The following EPHA4 variants were observed in gnomAD, a reference collection of about 807,000 sequenced individuals.
EPHA4 encodes EPH receptor A4.
A neutral mutation model predicts 108.3 loss-of-function variants in EPHA4; 19 were observed. The ratio of observed to expected loss-of-function variants is 0.18; its 90% confidence interval spans 0.12 to 0.26. The LOEUF (loss-of-function observed/expected upper bound fraction) is 0.26, where lower values mean the gene tolerates loss of function less well. Among genes scored for constraint, EPHA4 ranks in the 10% least tolerant of loss-of-function variants. The probability of loss-of-function intolerance (pLI) is 1.00; values close to 1 mark genes in which losing one functional copy is unlikely to be tolerated. For synonymous variants in EPHA4, 449 were observed against 455.5 expected, an observed-to-expected ratio of 0.99 and a Z score of 0.18; for missense variants, 917 against 1,254.0, an observed-to-expected ratio of 0.73 and a Z score of 4.06.
intron 2 of EPHA4, among the ~76,000 whole-genome samples, chr2:221,565,499 G>GT (rs1229631094): frequency 6.6e-6 from 1 of 152,088 alleles, no homozygotes. Flanking sequence ...ACAAGAGATA[G>GT]TTTTTTTAAA....
At chr2:221,450,605 C>T (rs778737729) in intron 8 of EPHA4, among the ~76,000 whole-genome samples, 16 of 152,090 alleles carry the variant, frequency 1.1e-4, no homozygotes, top group Non-Finnish European at 1.9e-4. Flanking sequence ...CACCATGTGA[C>T]CTTCGTTTAT....
chr2:221,536,034 C>T lies in EPHA4; in HGVS notation c.823+27697G>A, dbSNP rs116041059. Among the ~76,000 whole-genome samples the T allele has an allele frequency of 2.9e-3, 448 of 152,232 alleles. 1 individual carries two copies. Among genetic ancestry groups the T allele is most frequent in the Middle Eastern group, 0.017 (5 of 294 alleles). ...CAAGGGATATTCATTCCTCTTTTAC[C>T]AGCTTTATTTAACTACAGTTTACCA... is the stretch of plus-strand genomic sequence containing the variant. On this transcript the variant is annotated intron_variant, in intron 3 of 17. Coordinates refer to ENST00000281821, the MANE Select transcript of EPHA4 (RefSeq NM_004438.5).
intron 15 of EPHA4, 60 bp from the exon 16 acceptor site, chr2:221,426,679 A>G: frequency 3.4e-6 from 5 of 1,484,726 alleles, no homozygotes; most frequent in Non-Finnish European, 4.6e-6. Flanking sequence ...AAGAAGACTC[A>G]GAAATCTGAT....
intron 5 of EPHA4, among the ~76,000 whole-genome samples, chr2:221,468,703 G>C (rs1691391188): frequency 6.6e-6 from 1 of 152,166 alleles, no homozygotes; most frequent in Non-Finnish European, 1.5e-5. Context: ...TACATTTACA[G>C]GCAGAAATAC....
Position 221,443,528 on chromosome 2 carries a change from G to A in EPHA4, c.1853C>T (p.Ala618Val), listed in dbSNP as rs1690495560. The A allele has an allele frequency of 3.1e-6, 5 of 1,613,734 alleles. No individual in the cohort carries two copies. The highest frequency in any genetic ancestry group is 2.2e-5 in the South Asian group (2 of 91,062). The part of the protein sequence containing the change: ...AVREFAKEID[A>V]SCIKIEKVIG... ...AACTTTTTCAATCTTAATGCAGGATGCGTCAATTTCTTTGGCAAACTCTCG... is the reference window on the plus strand; with the variant it reads ...AACTTTTTCAATCTTAATGCAGGATACGTCAATTTCTTTGGCAAACTCTCG... Residue 618 changes from alanine to valine, a missense_variant, in exon 10 of 18, where the codon GCA becomes GTA. By Grantham distance (64) the Ala-to-Val change is moderately conservative (BLOSUM62 0). Coordinates refer to ENST00000281821, the MANE Select transcript of EPHA4 (RefSeq NM_004438.5).
chr2:221,455,996 AATCT>A (rs747309293), intron 7 of EPHA4, among the ~76,000 whole-genome samples: 3 of 152,158 alleles, frequency 2.0e-5, no homozygotes, highest in Non-Finnish European at 2.9e-5. Flanking sequence ...TGAAGTCAAA[AATCT>A]ATCATCTTTT....
At chr2:221,424,957 A>T (rs1471250879) in intron 17 of EPHA4, among the ~76,000 whole-genome samples, 2 of 152,118 alleles carry the variant, frequency 1.3e-5, no homozygotes, top group Admixed American at 6.5e-5. Flanking sequence ...GTGAGCATCT[A>T]GGACCATCCC....
At chr2:221,432,905 A>G (rs184027551) in intron 14 of EPHA4, among the ~76,000 whole-genome samples, 128 of 148,230 alleles carry the variant, frequency 8.6e-4, no homozygotes, top group African/African-American at 3.0e-3. Context: ...GCTCACTGCA[A>G]TCTCTGCCTC....
intron 3 of EPHA4, among the ~76,000 whole-genome samples, chr2:221,541,425 G>A (rs546497266): frequency 1.8e-4 from 27 of 152,214 alleles, no homozygotes; most frequent in African/African-American, 6.0e-4. Context: ...TGAGAAACAG[G>A]GTGCAGCACC....
intron 3 of EPHA4, among the ~76,000 whole-genome samples, chr2:221,536,335 C>G (rs2106187023): frequency 6.6e-6 from 1 of 152,240 alleles, no homozygotes; most frequent in Admixed American, 6.5e-5. Context: ...GATTATAAGC[C>G]TTTTGGAAAT....
At chr2:221,492,448 T>C (rs1376832926) in intron 4 of EPHA4, among the ~76,000 whole-genome samples, 1 of 152,166 alleles carries the variant, frequency 6.6e-6, no homozygotes, top group Non-Finnish European at 1.5e-5. Flanking sequence ...AACAACCAAA[T>C]GGCAAATGAT....
At chr2:221,421,106 G>C (rs1232506151) in intron 17 of EPHA4, among the ~76,000 whole-genome samples, 1 of 152,074 alleles carries the variant, frequency 6.6e-6, no homozygotes, top group African/African-American at 2.4e-5. Context: ...GACCATCCTG[G>C]CTAACGTGGT....
At chr2:221,449,375 C>T (rs1392982289) in intron 8 of EPHA4, among the ~76,000 whole-genome samples, 1 of 152,196 alleles carries the variant, frequency 6.6e-6, no homozygotes, top group African/African-American at 2.4e-5. Context: ...TCAAAACTGA[C>T]ATCTCAGGCT....
At chr2:221,507,174 G>A (rs562037394) in intron 3 of EPHA4, among the ~76,000 whole-genome samples, 96 of 152,210 alleles carry the variant, frequency 6.3e-4, no homozygotes, top group Non-Finnish European at 1.1e-3. Flanking sequence ...GAGCATACTA[G>A]GATTGAGCCT....
At chr2:221,534,622 C>T (rs150668091) in intron 3 of EPHA4, among the ~76,000 whole-genome samples, 1 of 152,330 alleles carries the variant, frequency 6.6e-6, no homozygotes, top group East Asian at 1.9e-4. Context: ...CCCTGGAACC[C>T]ATGGTCAATT....
intron 3 of EPHA4, among the ~76,000 whole-genome samples, chr2:221,504,890 T>C (rs1692584856): frequency 6.6e-6 from 1 of 152,166 alleles, no homozygotes; most frequent in Non-Finnish European, 1.5e-5. Flanking sequence ...TTCTAAAAGT[T>C]TTTAGTGAAA....
intron 4 of EPHA4, among the ~76,000 whole-genome samples, chr2:221,487,643 T>C (rs1051775763): frequency 1.1e-4 from 16 of 152,204 alleles, no homozygotes; most frequent in Admixed American, 5.2e-4. Flanking sequence ...AATATTAGAT[T>C]GGTACAAAAG....
At chr2:221,566,389 G>T (rs1045982650) in intron 2 of EPHA4, among the ~76,000 whole-genome samples, 6 of 152,094 alleles carry the variant, frequency 3.9e-5, no homozygotes, top group African/African-American at 1.2e-4. Context: ...CAGCTAGAAA[G>T]AACTTTTTAA....
intron 14 of EPHA4, among the ~76,000 whole-genome samples, chr2:221,431,015 C>T (rs1459741998): frequency 2.6e-5 from 4 of 152,158 alleles, no homozygotes; most frequent in African/African-American, 9.7e-5. Context: ...TCTGTCTTCA[C>T]AGGCATTAAA....
Sources: allele counts gnomAD v4.1 joint callset (sites outside exome capture counted in the v4.1 genomes callset), GRCh38; gene constraint gnomAD v4.1.1; transcripts MANE v1.5; gene names NCBI Gene and HGNC (gene_info 2026-07-23, HGNC 2026-07-21).